The following GGCX variants were observed in gnomAD, a reference collection of about 807,000 sequenced individuals.
GGCX encodes gamma-glutamyl carboxylase.
Under a neutral mutation model 88.5 loss-of-function variants are expected in GGCX, and 63 were observed. The observed-to-expected ratio is 0.71, with a 90% CI of 0.58 to 0.88. The LOEUF (loss-of-function observed/expected upper bound fraction) is 0.88. Among genes scored for constraint, GGCX ranks in the 40% least tolerant of loss-of-function variants. GGCX has a pLI of 0.00. For missense variants in GGCX, 805 were observed against 932.9 expected (o/e 0.86, Z 1.79); for synonymous variants, 368 against 365.8 (o/e 1.01, Z -0.07).
At chr2:85,551,449 C>T (rs763609921) in intron 12 of GGCX, 31 bp downstream of exon 12, 15 of 1,611,534 alleles carry the variant, frequency 9.3e-6, no homozygotes, top group Non-Finnish European at 8.5e-6. Flanking sequence ...GCACTCAGTT[C>T]TTTCTGCTGT....
rs777824070 is a variant in GGCX at position 85,550,540 on chromosome 2, T to C, written c.2084+15A>G. The C allele has an allele frequency of 7.5e-6, 12 of 1,597,822 alleles. No individual in the cohort carries two copies. Among genetic ancestry groups the C allele is most frequent in the Admixed American group, 3.3e-5 (2 of 59,984 alleles). On this transcript the variant is annotated intron_variant, in intron 14 of 14. Coordinates refer to ENST00000233838, the MANE Select transcript of GGCX (RefSeq NM_000821.7). ...CAACATATGATGGCAATGACAAATA[T>C]TGTTGTGAACTTACCTGCGGCGAAA...
intron 14 of GGCX, 151 bp from the exon 15 acceptor site, chr2:85,550,277 A>G: frequency 2.8e-6 from 2 of 703,692 alleles, no homozygotes; most frequent in Admixed American, 2.1e-5. Context: ...TCCCAGCTGG[A>G]AGGGTACACC....
chr2:85,558,513 A>T lies in GGCX; in HGVS notation c.466T>A (p.Ser156Thr), dbSNP rs761102875. Residue 156 changes from serine (S) to threonine (T), a missense_variant, in exon 4 of 15, where the codon TCA becomes ACA. Ser to Thr is a moderately conservative substitution (Grantham distance 58, BLOSUM62 1). Transcript: ENST00000233838. ...YWYVFLLDKT[S>T]WNNHSYLYGL... ...TACAGATAGGAGTGGTTGTTCCATG[A>T]TGTCTTGTCCAGGAGAAACACATAC... 5 of 1,613,670 alleles carry T rather than the reference A, an allele frequency of 3.1e-6. No homozygotes were observed. In the East Asian group the frequency reaches 1.1e-4, roughly 36 times the overall value.
In GGCX at chr2:85,545,749, G is replaced by A. The variant is rs779065176; in HGVS notation, c.*4185C>T. The A allele has an allele frequency of 2.0e-5, 3 of 148,346 alleles. No individual in the cohort carries two copies. The highest frequency in any genetic ancestry group is 4.4e-5 in the Non-Finnish European group (3 of 68,024). 9.2% of individuals were successfully genotyped at this position (148,346 alleles called of 1,614,324 possible). Reference sequence around the variant, plus strand: ...AAAGTATTAACCTGGAAGTGGTAATGTCTATCTAAAGTCCTGGCAATTTAA... The same window carrying A: ...AAAGTATTAACCTGGAAGTGGTAATATCTATCTAAAGTCCTGGCAATTTAA... On this transcript the variant is annotated 3_prime_UTR_variant, in exon 15 of 15. Coordinates refer to ENST00000233838, the MANE Select transcript of GGCX (RefSeq NM_000821.7).
chr2:85,555,396 A>C, intron 6 of GGCX, 88 bp downstream of exon 6: 1 of 762,850 alleles, frequency 1.3e-6, no homozygotes, highest in East Asian at 2.5e-5. Context: ...ATTCAGGCAA[A>C]GTAGGAACAG....
rs1691739095 is a variant in GGCX at position 85,547,574 on chromosome 2, A to G, written c.*2360T>C. On this transcript the variant is annotated 3_prime_UTR_variant, in exon 15 of 15. Coordinates refer to ENST00000233838, the MANE Select transcript of GGCX (RefSeq NM_000821.7). Reference sequence around the variant, plus strand: ...CCAAGTAACTCTTGGGACTTTTGTTACCAGTCAAGTAGGTACAGTGAGTTT... The same window carrying G: ...CCAAGTAACTCTTGGGACTTTTGTTGCCAGTCAAGTAGGTACAGTGAGTTT... 1 of 152,212 alleles carries G rather than the reference A, an allele frequency of 6.6e-6. No homozygotes were observed. 9.4% of individuals were successfully genotyped at this position (152,212 alleles called of 1,614,324 possible). A position where few individuals can be genotyped will look rare whatever the true frequency, so the allele number is the denominator to read the frequency against.
chr2:85,550,493 A>T, intron 14 of GGCX, 62 bp downstream of exon 14: 1 of 1,195,490 alleles, frequency 8.4e-7, no homozygotes, highest in Non-Finnish European at 1.3e-6. Context: ...TACTCTCCCC[A>T]GGGGAAAGTT....
chr2:85,556,642 G>C (rs17026452), intron 4 of GGCX, among the ~76,000 whole-genome samples: 15,851 of 152,108 alleles, frequency 0.1, 1,199 homozygotes, highest in African/African-American at 0.21. Flanking sequence ...AAAAAAAAAT[G>C]AAAACCCTCA....
intron 6 of GGCX, chr2:85,555,113 C>G (rs917775253): frequency 9.3e-6 from 2 of 214,082 alleles, no homozygotes; most frequent in East Asian, 2.2e-4. Flanking sequence ...AGTGAGTGCC[C>G]ATCTTCTCAG....
rs1178457779 is a variant in GGCX, at chr2:85,547,083, TAAG to T, written c.*2848_*2850del. On this transcript the variant is annotated 3_prime_UTR_variant, in exon 15 of 15. Transcript: ENST00000233838. Reference sequence around the variant, plus strand: ...AGGGGAAAAGTATCCTGAAGGTTAATAAGGTGGTGGAGGAACATTAGGCCACAG... The same window carrying T: ...AGGGGAAAAGTATCCTGAAGGTTAATGTGGTGGAGGAACATTAGGCCACAG... The T allele has an allele frequency of 6.6e-6, 1 of 152,168 alleles. No individual in the cohort carries two copies. The highest frequency in any genetic ancestry group is 2.4e-5 in the African/African-American group (1 of 41,436). 9.4% of individuals were successfully genotyped at this position (152,168 alleles called of 1,614,324 possible).
rs143021753 is a variant in GGCX, at chr2:85,545,345, C to T, written c.*4589G>A. ...TAGGTACGTGCCTATAATCCCAACA[C>T]TTTGAAAGGCTGAGGTAGGAGGATC... On this transcript the variant is annotated 3_prime_UTR_variant, in exon 15 of 15. Transcript: ENST00000233838. 5.7e-4 allele frequency: 87 copies of T among 152,738 alleles called. No homozygotes were observed. The highest frequency in any genetic ancestry group is 3.4e-3 in the Middle Eastern group (1 of 294). The allele number at this position is 152,738 out of a possible 1,614,324, so 9.5% of individuals were successfully genotyped here.
chr2:85,559,272 G>C (rs1043087978), intron 2 of GGCX, among the ~76,000 whole-genome samples, 197 bp from the exon 3 acceptor site: 3 of 152,186 alleles, frequency 2.0e-5, no homozygotes, highest in African/African-American at 7.2e-5. Context: ...AACAGCCCCT[G>C]CAGCTCGGTT....
intron 6 of GGCX, 89 bp from the exon 7 acceptor site, chr2:85,554,395 A>C: frequency 8.6e-7 from 1 of 1,167,744 alleles, no homozygotes; most frequent in Non-Finnish European, 1.3e-6. Context: ...TGGCTACTCC[A>C]GTGGCTGGGT....
Position 85,553,381 on chromosome 2 carries a change from CTGCCT to C in GGCX, c.1001_1005del (p.Lys334SerfsTer11). 2 of 1,614,228 alleles carry C rather than the reference CTGCCT, an allele frequency of 1.2e-6. No homozygotes were observed. The highest frequency in any genetic ancestry group is 1.7e-6 in the Non-Finnish European group (2 of 1,180,044). The stretch of plus-strand genomic sequence containing the variant: ...ACACAGGAAACACTGGGCTGAGGGG[CTGCCT>C]TGAGGGGCAACAGTTGTTGCAACCT... On this transcript the variant is annotated frameshift_variant, in exon 8 of 15. Coordinates refer to ENST00000233838, the MANE Select transcript of GGCX (RefSeq NM_000821.7). LOFTEE classifies it high-confidence loss of function.
At chr2:85,555,906 A>G (rs1352675807) in intron 5 of GGCX, among the ~76,000 whole-genome samples, 1 of 152,234 alleles carries the variant, frequency 6.6e-6, no homozygotes, top group Non-Finnish European at 1.5e-5. Context: ...ATCAGGCACC[A>G]AGGAAGAAGT....
intron 7 of GGCX, 126 bp downstream of exon 7, chr2:85,554,017 G>A (rs1199367627): frequency 1.3e-6 from 1 of 786,420 alleles, no homozygotes; most frequent in Non-Finnish European, 2.3e-6. Context: ...CTACTTCATA[G>A]TGACTGCCCT....
Position 85,558,433 on chromosome 2 carries a change from C to T in GGCX, c.539+7G>A. 6.2e-7 allele frequency: 1 copy of T among 1,612,658 alleles called. No homozygotes were observed. The highest frequency in any genetic ancestry group is 8.5e-7 in the Non-Finnish European group (1 of 1,178,622). On this transcript the variant is annotated splice_region_variant and intron_variant, in intron 4 of 14. Transcript: ENST00000233838. ...AACCCCTCCCCTTTGTCCCCCCTGA[C>T]TCATACCAGTAGTGGTTTGCATCCA... is the stretch of plus-strand genomic sequence containing the variant.
chr2:85,559,141 C>T lies in GGCX; in HGVS notation c.215-66G>A, dbSNP rs561018812. 1.8e-5 allele frequency: 24 copies of T among 1,308,196 alleles called. No individual in the cohort carries two copies. The South Asian group carries it at 2.4e-4, about 13-fold the overall frequency. The allele number at this position is 1,308,196 out of a possible 1,614,324, so 81.0% of individuals were successfully genotyped here. ...AAGGAAGCAGTAGAATACAGTGGAA[C>T]ACAGTTGACAGTGTGCAGCTCCAGG... On this transcript the variant is annotated intron_variant, in intron 2 of 14. Coordinates refer to ENST00000233838, the MANE Select transcript of GGCX (RefSeq NM_000821.7).
At position 85,552,980 on chromosome 2, in the gene GGCX, G is replaced by T; in HGVS notation, c.1246C>A (p.Arg416Ser). 6.2e-7 allele frequency: 1 copy of T among 1,613,996 alleles called. No homozygotes were observed. The highest frequency in any genetic ancestry group is 8.5e-7 in the Non-Finnish European group (1 of 1,179,854). The change falls in exon 9 of 15, where the codon CGT becomes AGT. Residue 416 changes from arginine to serine, a missense_variant. This residue lies in a region of GGCX where 680 missense variants were observed against 763.7 expected (regional missense o/e 0.89). Transcript: ENST00000233838. ...RSHQHVKITYRDGRTGELGYL... is the reference protein window; with the variant it reads ...RSHQHVKITYSDGRTGELGYL... ...CCCAGTTCGCCAGTGCGGCCATCAC[G>T]GTAGGTGATCTTCACGTGCTGGTGG...
Sources: gnomAD v4.1 joint callset for allele counts (sites outside exome capture counted in the v4.1 genomes callset) on GRCh38, gnomAD v4.1.1 for gene constraint, gnomAD v4.1.1 regional missense constraint, MANE v1.5 for transcripts, NCBI Gene and HGNC (gene_info 2026-07-23, HGNC 2026-07-21) for gene names.